The following PVT1 variants were observed in gnomAD, a reference collection of about 807,000 sequenced individuals.
The protein encoded by PVT1 is CXCR4/PVT1 fusion.
Position 127,898,755 on chromosome 8 carries a change from C to T in PVT1, n.782+7757C>T, listed in dbSNP as rs1468866865. On this transcript the variant is annotated intron_variant and non_coding_transcript_variant, in intron 3 of 10. Transcript: ENST00000651587. The surrounding 1 kb of genome is among the most constrained non-coding windows in gnomAD (Gnocchi z 4.4). Reference sequence around the variant, plus strand: ...GCGTGGGGGCTTCTTCCCTCTCTCTCTGTCTTGTAGCCTTGTTAAAATAGT... The same window carrying T: ...GCGTGGGGGCTTCTTCCCTCTCTCTTTGTCTTGTAGCCTTGTTAAAATAGT... Among the ~76,000 whole-genome samples, 1 of 152,216 alleles carries T rather than the reference C, an allele frequency of 6.6e-6. No homozygotes were observed. Among genetic ancestry groups the T allele is most frequent in the Non-Finnish European group, 1.5e-5 (1 of 68,044 alleles).
intron 2 of PVT1, among the ~76,000 whole-genome samples, chr8:127,847,201 C>T (rs971195499): frequency 1.3e-5 from 2 of 149,858 alleles, no homozygotes; most frequent in African/African-American, 5.0e-5. Flanking sequence ...CAGGGTTTCA[C>T]CATGTTGGCC....
intron 2 of PVT1, among the ~76,000 whole-genome samples, chr8:127,882,278 GA>G (rs1685691811): frequency 6.6e-6 from 1 of 152,076 alleles, no homozygotes; most frequent in Non-Finnish European, 1.5e-5. Context: ...GAAGTGAAAC[GA>G]AGCAAAAATA....
chr8:127,980,202 A>G (rs1332307236), intron 3 of PVT1, among the ~76,000 whole-genome samples: 1 of 151,812 alleles, frequency 6.6e-6, no homozygotes, highest in Admixed American at 6.6e-5. Context: ...TTTGCTTACC[A>G]TTTTATCCCC....
At chr8:127,804,785 C>A (rs900974202) in intron 2 of PVT1, among the ~76,000 whole-genome samples, 1 of 151,430 alleles carries the variant, frequency 6.6e-6, no homozygotes, top group Non-Finnish European at 1.5e-5. Context: ...TCTTGAACTC[C>A]TGACCTCAAG....
chr8:127,842,917 G>A (rs1327642248), intron 2 of PVT1, among the ~76,000 whole-genome samples: 1 of 152,180 alleles, frequency 6.6e-6, no homozygotes, highest in Non-Finnish European at 1.5e-5. Flanking sequence ...ATAGTAGAGA[G>A]CAAGTAGCAT....
chr8:128,047,761 T>A (rs908693597), intron 4 of PVT1, among the ~76,000 whole-genome samples: 2 of 152,072 alleles, frequency 1.3e-5, no homozygotes, highest in East Asian at 3.8e-4. Context: ...GTTTAAAAAA[T>A]TAGTAAAAAA....
At chr8:127,846,980 CTTTT>C (rs34437112) in intron 2 of PVT1, among the ~76,000 whole-genome samples, 1 of 62,428 alleles carries the variant, frequency 1.6e-5, no homozygotes, top group Non-Finnish European at 2.9e-5. Context: ...TGCACATGGC[CTTTT>C]TTTTTTTTTT....
intron 2 of PVT1, among the ~76,000 whole-genome samples, chr8:127,802,238 C>T (rs773716743): frequency 2.0e-5 from 3 of 151,120 alleles, no homozygotes; most frequent in East Asian, 2.0e-4. Flanking sequence ...ATATGAGACA[C>T]GGTCTCACTC....
chr8:128,043,409 T>C (rs1013796463), intron 4 of PVT1, among the ~76,000 whole-genome samples: 2 of 152,142 alleles, frequency 1.3e-5, no homozygotes, highest in East Asian at 1.9e-4. Context: ...TGTTTTGTTT[T>C]GAAATCAGTG....
chr8:128,049,247 C>CTA (rs1813656899), intron 4 of PVT1: 1 of 525,492 alleles, frequency 1.9e-6, no homozygotes, highest in African/African-American at 1.9e-5. Context: ...GTTAGCTGAC[C>CTA]TACACAGAAG....
chr8:127,925,907 CTGGGATT>C (rs1239818837), intron 3 of PVT1, among the ~76,000 whole-genome samples: 15 of 152,210 alleles, frequency 9.9e-5, no homozygotes, highest in Non-Finnish European at 2.1e-4. Flanking sequence ...TCCCAAAGTG[CTGGGATT>C]ACAGGCATGA....
Position 127,797,292 on chromosome 8 carries a change from A to G in PVT1, n.372+1221A>G, listed in dbSNP as rs200071684. Among the ~76,000 whole-genome samples the G allele has an allele frequency of 2.4e-4, 37 of 152,292 alleles. No individual in the cohort carries two copies. In the East Asian group the frequency reaches 2.7e-3, roughly 11 times the overall value. ...GGTGATCTGCCCTCCTCGGCCTCCC[A>G]AAGTACTGGGATTACAGGTGCCACA... is the stretch of plus-strand genomic sequence containing the variant. On this transcript the variant is annotated intron_variant and non_coding_transcript_variant, in intron 2 of 10. Transcript: ENST00000651587.
intron 4 of PVT1, among the ~76,000 whole-genome samples, chr8:128,059,825 A>G (rs1327951898): frequency 6.6e-6 from 1 of 152,230 alleles, no homozygotes. Context: ...CACATGCAGC[A>G]TGGAAGTGGT....
intron 3 of PVT1, among the ~76,000 whole-genome samples, chr8:127,933,442 G>T (rs1234032166): frequency 6.6e-6 from 1 of 152,214 alleles, no homozygotes; most frequent in East Asian, 1.9e-4. Context: ...TTTAGAAATA[G>T]AACTCATTCC....
intron 4 of PVT1, chr8:128,049,315 A>G: frequency 2.5e-6 from 1 of 407,028 alleles, no homozygotes; most frequent in Non-Finnish European, 5.0e-6. Context: ...GGCAAGGGAG[A>G]GTGAATGAGG....
intron 2 of PVT1, among the ~76,000 whole-genome samples, chr8:127,886,429 C>T (rs1322019671): frequency 6.6e-6 from 1 of 152,168 alleles, no homozygotes; most frequent in Non-Finnish European, 1.5e-5. Flanking sequence ...TCTCTTCTCT[C>T]CTTTTGGGAC....
chr8:128,005,384 A>G (rs1817234178), intron 4 of PVT1, among the ~76,000 whole-genome samples: 1 of 152,230 alleles, frequency 6.6e-6, no homozygotes, highest in Admixed American at 6.5e-5. Flanking sequence ...TAGACTTTTA[A>G]GGAGCTGTGA....
At chr8:127,814,029 C>T (rs949260676) in intron 2 of PVT1, among the ~76,000 whole-genome samples, 13 of 152,276 alleles carry the variant, frequency 8.5e-5, no homozygotes, top group Middle Eastern at 3.4e-3. Context: ...GTGATCCACC[C>T]GCCTTGACCT....
At chr8:127,858,219 A>G (rs1288581563) in intron 2 of PVT1, among the ~76,000 whole-genome samples, 1 of 152,062 alleles carries the variant, frequency 6.6e-6, no homozygotes, top group African/African-American at 2.4e-5. Flanking sequence ...GGTGAAATAC[A>G]ACATGGTGTA....
Sources: gnomAD v4.1 joint callset for allele counts (sites outside exome capture counted in the v4.1 genomes callset) on GRCh38, gnomAD v4.1.1 for gene constraint, Gnocchi (gnomAD v3.1) non-coding constraint, MANE v1.5 for transcripts, NCBI Gene and HGNC (gene_info 2026-07-23, HGNC 2026-07-21) for gene names.